ZNF704: variants seen among roughly 807,000 people sequenced by gnomAD.
ZNF704 encodes zinc finger protein 704.
A neutral mutation model predicts 44.7 loss-of-function variants in ZNF704; 10 were observed. The observed-to-expected ratio is 0.22, with a 90% CI of 0.14 to 0.38. ZNF704 has a LOEUF of 0.38. Among genes scored for constraint, ZNF704 ranks in the 10% least tolerant of loss-of-function variants. The pLI is 1.00. For missense variants in ZNF704, 390 were observed against 545.5 expected (o/e 0.71, Z 2.84); for synonymous variants, 211 against 207.6 (o/e 1.02, Z -0.14).
At chr8:80,867,324 A>C (rs1809171775) in intron 1 of ZNF704, among the ~76,000 whole-genome samples, 1 of 152,220 alleles carries the variant, frequency 6.6e-6, no homozygotes, top group African/African-American at 2.4e-5. Flanking sequence ...GTTGATAAGC[A>C]GTAAGTAGTA....
intron 7 of ZNF704, among the ~76,000 whole-genome samples, chr8:80,657,357 ACACAATCAG>A (rs1818032154): frequency 6.6e-6 from 1 of 152,198 alleles, no homozygotes; most frequent in Non-Finnish European, 1.5e-5. Context: ...GAAACAGGTT[ACACAATCAG>A]CACAATTGGG....
At chr8:80,819,322 C>T (rs970420383) in intron 2 of ZNF704, among the ~76,000 whole-genome samples, 4 of 152,062 alleles carry the variant, frequency 2.6e-5, no homozygotes, top group African/African-American at 7.2e-5. Context: ...CAGAAAACAT[C>T]TTTCTTCTTC....
At chr8:80,792,037 C>T (rs1807717410) in intron 2 of ZNF704, among the ~76,000 whole-genome samples, 1 of 152,114 alleles carries the variant, frequency 6.6e-6, no homozygotes, top group Non-Finnish European at 1.5e-5. Context: ...ACCAAAGGCA[C>T]AGCCCTGGGG....
At position 80,738,973 on chromosome 8, in the gene ZNF704, G is replaced by C. The variant is rs537145490; in HGVS notation, c.222-45866C>G. Among the ~76,000 whole-genome samples, 3 of 152,230 alleles carry C rather than the reference G, an allele frequency of 2.0e-5. No homozygotes were observed. The South Asian group carries it at 6.2e-4, about 32-fold the overall frequency. ...CAGCATGACTGGATAGAACCTGCAG[G>C]CTAGAAGGGTAGGACAAGCAGGAAC... is the stretch of plus-strand genomic sequence containing the variant. On this transcript the variant is annotated intron_variant, in intron 2 of 8. Coordinates refer to ENST00000327835, the MANE Select transcript of ZNF704 (RefSeq NM_001033723.3).
At chr8:80,743,470 A>C (rs1806796987) in intron 2 of ZNF704, among the ~76,000 whole-genome samples, 1 of 152,224 alleles carries the variant, frequency 6.6e-6, no homozygotes, top group African/African-American at 2.4e-5. Flanking sequence ...ATGATAAATA[A>C]ATAAATATAA....
At position 80,659,579 on chromosome 8, in the gene ZNF704, A is replaced by G. The variant is rs754582137; in HGVS notation, c.1032+6T>C. 3 of 1,613,516 alleles carry G rather than the reference A, an allele frequency of 1.9e-6. No individual in the cohort carries two copies. Among genetic ancestry groups the G allele is most frequent in the South Asian group, 2.2e-5 (2 of 91,058 alleles). On this transcript the variant is annotated splice_donor_region_variant and intron_variant, in intron 7 of 8. Transcript: ENST00000327835. ...AGATTTTTGGCTTTTTCGTTTTTCT[A>G]CTTACTGGGATGCCTGTGAAAGTGA...
intron 2 of ZNF704, among the ~76,000 whole-genome samples, chr8:80,734,188 C>T (rs564834509): frequency 2.0e-4 from 30 of 152,344 alleles, no homozygotes; most frequent in Middle Eastern, 3.4e-3. Flanking sequence ...GATCACTAGA[C>T]AAGCTGGCCA....
chr8:80,690,830 G>A (rs1266378118), intron 3 of ZNF704, among the ~76,000 whole-genome samples: 1 of 152,164 alleles, frequency 6.6e-6, no homozygotes, highest in African/African-American at 2.4e-5. Flanking sequence ...CCAACATGGT[G>A]AAACCCTGTC....
intron 4 of ZNF704, among the ~76,000 whole-genome samples, chr8:80,670,807 A>T (rs985916387): frequency 1.3e-5 from 2 of 152,138 alleles, no homozygotes; most frequent in African/African-American, 2.4e-5. Context: ...CCTTCAAGAG[A>T]AATGGGCTCT....
intron 7 of ZNF704, among the ~76,000 whole-genome samples, chr8:80,657,471 T>C (rs1442749726): frequency 6.6e-6 from 1 of 152,090 alleles, no homozygotes; most frequent in Non-Finnish European, 1.5e-5. Context: ...GGTGGGCAGA[T>C]TGCTTGAGCT....
intron 2 of ZNF704, among the ~76,000 whole-genome samples, chr8:80,706,944 A>G (rs144440111): frequency 5.1e-4 from 78 of 152,326 alleles, no homozygotes; most frequent in Middle Eastern, 3.4e-3. Flanking sequence ...TAAGCTGCTT[A>G]AGTTCCAGAT....
intron 2 of ZNF704, among the ~76,000 whole-genome samples, chr8:80,739,774 G>A (rs373784440): frequency 1.4e-3 from 208 of 152,262 alleles, no homozygotes; most frequent in African/African-American, 5.0e-3. Flanking sequence ...TGCTTCCAGT[G>A]CGGTCTACAA....
intron 4 of ZNF704, among the ~76,000 whole-genome samples, chr8:80,680,781 G>A (rs190730439): frequency 6.6e-6 from 1 of 152,250 alleles, no homozygotes; most frequent in Admixed American, 6.5e-5. Flanking sequence ...TGTAAGATGA[G>A]GGGACTGAAT....
At chr8:80,840,523 C>A (rs1388430328) in intron 1 of ZNF704, among the ~76,000 whole-genome samples, 2 of 152,134 alleles carry the variant, frequency 1.3e-5, no homozygotes, top group Non-Finnish European at 2.9e-5. Flanking sequence ...TTACTAAGCC[C>A]TTACGAAGTA....
At chr8:80,758,594 T>C (rs1002460655) in intron 2 of ZNF704, among the ~76,000 whole-genome samples, 7 of 152,184 alleles carry the variant, frequency 4.6e-5, no homozygotes, top group African/African-American at 1.7e-4. Context: ...TAATCGCTAA[T>C]AATAAAATAG....
chr8:80,775,046 G>A lies in ZNF704; in HGVS notation c.221+46328C>T, dbSNP rs569756738. On this transcript the variant is annotated intron_variant, in intron 2 of 8. Transcript: ENST00000327835. ...TGTCCAGAGTTTTTAGTTTGACTTA[G>A]GGGAAGAAATAGAAAAAACTATGTC... is the stretch of plus-strand genomic sequence containing the variant. 8.7e-4 allele frequency among the ~76,000 whole-genome samples: 132 copies of A among 152,084 alleles called. 2 individuals carry two copies. The highest frequency in any genetic ancestry group is 8.1e-4 in the Non-Finnish European group (55 of 68,010).
At chr8:80,856,968 G>A (rs1412002228) in intron 1 of ZNF704, among the ~76,000 whole-genome samples, 1 of 152,042 alleles carries the variant, frequency 6.6e-6, no homozygotes, top group Non-Finnish European at 1.5e-5. Flanking sequence ...ACCATATTAA[G>A]TTTCTAAATG....
At chr8:80,663,254 A>G (rs1198109398) in intron 6 of ZNF704, among the ~76,000 whole-genome samples, 1 of 151,440 alleles carries the variant, frequency 6.6e-6, no homozygotes, top group Non-Finnish European at 1.5e-5. Flanking sequence ...GGTAGTGCAC[A>G]CCTGTAGTCC....
At chr8:80,770,371 T>G (rs921121259) in intron 2 of ZNF704, among the ~76,000 whole-genome samples, 1 of 152,208 alleles carries the variant, frequency 6.6e-6, no homozygotes. Context: ...ATTTGTTCTC[T>G]ATCTTGATAG....
Sources: gnomAD v4.1 joint callset for allele counts (sites outside exome capture counted in the v4.1 genomes callset) on GRCh38, gnomAD v4.1.1 for gene constraint, MANE v1.5 for transcripts, NCBI Gene and HGNC (gene_info 2026-07-23, HGNC 2026-07-21) for gene names.